Variants in PTPRF observed in about 807,000 individuals in gnomAD.
The protein encoded by PTPRF is protein tyrosine phosphatase receptor type F, also known as receptor-type tyrosine-protein phosphatase F.
PTPRF carries 59 observed loss-of-function variants against 201.8 expected under a neutral mutation model. The ratio of observed to expected loss-of-function variants is 0.29; its 90% CI spans 0.24 to 0.36. PTPRF has a LOEUF of 0.36. Ranked by LOEUF, PTPRF falls within the 10% of genes least tolerant of loss-of-function variation. The pLI, the probability that PTPRF is intolerant of heterozygous loss-of-function variation, is 1.00. For missense variants in PTPRF, 2,132 were observed against 2,690.5 expected (o/e 0.79, Z 4.59); for synonymous variants, 1,088 against 1,089.7 (o/e 1.00, Z 0.03).
chr1:43,529,999 G>A (rs1643307411), upstream of PTPRF, among the ~76,000 whole-genome samples: 1 of 152,074 alleles, frequency 6.6e-6, no homozygotes, highest in Non-Finnish European at 1.5e-5. Flanking sequence ...CTAGGTCAGA[G>A]AAGTGGAGGG....
upstream of PTPRF, among the ~76,000 whole-genome samples, chr1:43,523,041 G>A (rs886768500): frequency 6.6e-5 from 10 of 152,212 alleles, no homozygotes; most frequent in Non-Finnish European, 1.3e-4. Context: ...GACCAGTGAG[G>A]CATCAGCAGA....
chr1:43,592,736 C>A, intron 11 of PTPRF, 135 bp downstream of exon 11: 1 of 1,136,390 alleles, frequency 8.8e-7, no homozygotes, highest in Non-Finnish European at 1.2e-6. Flanking sequence ...CTGGCCTGGG[C>A]TCTGAGTCTG....
upstream of PTPRF, among the ~76,000 whole-genome samples, chr1:43,529,142 T>C (rs929317609): frequency 3.9e-5 from 6 of 152,170 alleles, no homozygotes; most frequent in Admixed American, 2.6e-4. Flanking sequence ...GCAAAAATGC[T>C]TAAAGATGCA....
At chr1:43,615,692 G>A (rs1317005422) in intron 23 of PTPRF, among the ~76,000 whole-genome samples, 2 of 148,676 alleles carry the variant, frequency 1.3e-5, no homozygotes, top group African/African-American at 4.9e-5. Flanking sequence ...TCAGCCTCCC[G>A]AGTAGCTGGG....
At chr1:43,615,523 C>G (rs1237926964) in intron 23 of PTPRF, among the ~76,000 whole-genome samples, 2 of 150,300 alleles carry the variant, frequency 1.3e-5, no homozygotes, top group African/African-American at 4.9e-5. Flanking sequence ...TGGGCTCTCC[C>G]TCAGCCAGGA....
chr1:43,605,260 C>T lies in PTPRF; in HGVS notation c.3206C>T (p.Pro1069Leu). Residue 1069 changes from proline (P) to leucine (L), a missense_variant, in exon 18 of 34, where the codon CCC becomes CTC. Physicochemically the swap from Pro to Leu is moderately conservative, Grantham distance 98. This residue lies in a region of PTPRF where 818 missense variants were observed against 915.3 expected (regional missense o/e 0.89). Transcript: ENST00000359947. ...SMRKLIADLQ[P>L]NTEYSFVLMN... is the part of the protein sequence containing the mutation. ...CGGAAGCTGATCGCAGACCTGCAGC[C>T]CAACACAGAGTACTCGTTTGTGCTG... 6.2e-7 allele frequency: 1 copy of T among 1,612,086 alleles called. No individual in the cohort carries two copies. Among genetic ancestry groups the T allele is most frequent in the Non-Finnish European group, 8.5e-7 (1 of 1,178,580 alleles).
rs1645239843 is a variant in PTPRF at position 43,554,762 on chromosome 1, C to A, written c.379+821C>A. On this transcript the variant is annotated intron_variant, in intron 5 of 33. Coordinates refer to ENST00000359947, the MANE Select transcript of PTPRF (RefSeq NM_002840.5). This position sits in a 1 kb window ranked among gnomAD's most constrained non-coding sequence, Gnocchi z 4.1. ...CAAGGCGGGGGTGACATGATCAGACCCCAGCCACAACTGATTCATCAGTCT... is the reference window on the plus strand; with the variant it reads ...CAAGGCGGGGGTGACATGATCAGACACCAGCCACAACTGATTCATCAGTCT... Among the ~76,000 whole-genome samples, 1 of 152,096 alleles carries A rather than the reference C, an allele frequency of 6.6e-6. No individual in the cohort carries two copies. Among genetic ancestry groups the A allele is most frequent in the Non-Finnish European group, 1.5e-5 (1 of 68,022 alleles).
chr1:43,616,678 C>G (rs1349656827), intron 23 of PTPRF, among the ~76,000 whole-genome samples: 1 of 151,984 alleles, frequency 6.6e-6, no homozygotes, highest in African/African-American at 2.4e-5. Flanking sequence ...AGCAGCAGCG[C>G]CAGGTTTGGA....
Position 43,620,552 on chromosome 1 carries a change from G to T in PTPRF, c.5337G>T (p.Leu1779=). ...AGTACAACATGCCCCAGTATATCCT[G>T]CGTGAGTTCAAGGTCACGGATGCCC... ...MAEYNMPQYI[L]REFKVTDARD... The change falls in exon 31 of 34, where the codon CTG becomes CTT. Residue 1779 remains leucine, a synonymous_variant. Coordinates refer to ENST00000359947, the MANE Select transcript of PTPRF (RefSeq NM_002840.5). 1 of 1,614,144 alleles carries T rather than the reference G, an allele frequency of 6.2e-7. No individual in the cohort carries two copies. Among genetic ancestry groups the T allele is most frequent in the Non-Finnish European group, 8.5e-7 (1 of 1,180,002 alleles).
chr1:43,606,256 A>T lies in PTPRF; in HGVS notation c.3500A>T (p.Glu1167Val), dbSNP rs1209891475. 1 of 1,613,442 alleles carries T rather than the reference A, an allele frequency of 6.2e-7. No homozygotes were observed. Residue 1167 changes from glutamate to valine, a missense_variant, in exon 20 of 34, where the codon GAG (glutamate) becomes GTG (valine). Physicochemically the swap from Glu to Val is moderately radical, Grantham distance 121. This residue lies in a region of PTPRF where 818 missense variants were observed against 915.3 expected (regional missense o/e 0.89). Transcript: ENST00000359947. ...LELDELLEAI[E>V]QGGEEQRRRR... ...CTCTGCCAGCTTCTAGAAGCCATCG[A>T]GCAAGGCGGAGAGGAGCAGCGGCGG...
Position 43,591,492 on chromosome 1 carries a change from C to A in PTPRF, c.1470C>A (p.Ala490=), listed in dbSNP as rs1172209882. Residue 490 remains alanine (A), a synonymous_variant, in exon 9 of 34, where the codon GCC becomes GCA. Coordinates refer to ENST00000359947, the MANE Select transcript of PTPRF (RefSeq NM_002840.5). ...PGITYSLRVL[A]FTAVGDGPPS... ...TCACCTACAGCCTGCGCGTGCTTGCCTTCACCGCCGTGGGCGATGGCCCTC... is the reference window on the plus strand; with the variant it reads ...TCACCTACAGCCTGCGCGTGCTTGCATTCACCGCCGTGGGCGATGGCCCTC... The A allele has an allele frequency of 6.2e-7, 1 of 1,600,538 alleles. No homozygotes were observed. The highest frequency in any genetic ancestry group is 1.1e-5 in the South Asian group (1 of 89,334).
chr1:43,558,707 G>A (rs534831924), intron 5 of PTPRF, among the ~76,000 whole-genome samples: 19 of 152,270 alleles, frequency 1.2e-4, no homozygotes, highest in Admixed American at 5.2e-4. Context: ...GCCCGCTGCC[G>A]CCACTGAGAC....
intron 11 of PTPRF, 131 bp downstream of exon 11, chr1:43,592,732 T>C (rs1651164358): frequency 1.7e-6 from 2 of 1,158,432 alleles, no homozygotes; most frequent in East Asian, 3.0e-5. Flanking sequence ...AACTCTGGCC[T>C]GGGCTCTGAG....
At position 43,617,848 on chromosome 1, in the gene PTPRF, G is replaced by C. The variant is rs641351; in HGVS notation, c.4308G>C (p.Arg1436Ser). The C allele has an allele frequency of 2.5e-6, 4 of 1,613,754 alleles. No homozygotes were observed. The South Asian group carries it at 4.4e-5, about 18-fold the overall frequency. Residue 1436 changes from arginine (R) to serine (S), a missense_variant, in exon 25 of 34, where the codon AGG (arginine) becomes AGC (serine). By Grantham distance (110) the Arg-to-Ser change is moderately radical. Around this residue, in one of 6 missense-constraint regions of PTPRF, gnomAD observed 22 missense variants for 48.1 expected, o/e 0.46. Transcript: ENST00000359947. ...CCGAGACCATGGGTGATTTCTGGAG[G>C]ATGGTGTGGGAACAGCGCACGGCCA... ...PLPETMGDFW[R>S]MVWEQRTATV... is the part of the protein sequence containing the mutation.
At chr1:43,620,679 G>A in intron 31 of PTPRF, 100 bp downstream of exon 31, 1 of 1,552,072 alleles carries the variant, frequency 6.4e-7, no homozygotes, top group Non-Finnish European at 8.8e-7. Context: ...GAAATCTGAG[G>A]CGGTGGGTGG....
At chr1:43,613,747 G>T (rs758697777) in intron 23 of PTPRF, 32 bp downstream of exon 23, 5 of 1,582,458 alleles carry the variant, frequency 3.2e-6, no homozygotes, top group Middle Eastern at 1.7e-4. Flanking sequence ...CCATGTGCCT[G>T]GCCCAGGCCT....
intron 2 of PTPRF, among the ~76,000 whole-genome samples, chr1:43,538,823 CTCTG>C (rs1400157813): frequency 6.6e-6 from 1 of 152,172 alleles, no homozygotes; most frequent in African/African-American, 2.4e-5. Flanking sequence ...TTGTTCTCCT[CTCTG>C]TCTGTTAGAA....
intron 6 of PTPRF, among the ~76,000 whole-genome samples, chr1:43,573,972 G>A (rs922734389): frequency 3.9e-5 from 5 of 129,598 alleles, no homozygotes; most frequent in Non-Finnish European, 8.1e-5. Context: ...TTGCTTGTGT[G>A]GGTTCTTTTT....
At chr1:43,545,407 G>C (rs1317076904) in intron 3 of PTPRF, among the ~76,000 whole-genome samples, 1 of 152,156 alleles carries the variant, frequency 6.6e-6, no homozygotes, top group Admixed American at 6.5e-5. Flanking sequence ...TGTCTTATGG[G>C]GCTGGGGTGA....
Sources: allele counts gnomAD v4.1 joint callset (sites outside exome capture counted in the v4.1 genomes callset), GRCh38; gene constraint gnomAD v4.1.1; regional missense constraint gnomAD v4.1.1; non-coding constraint Gnocchi (gnomAD v3.1); transcripts MANE v1.5; gene names NCBI Gene and HGNC (gene_info 2026-07-23, HGNC 2026-07-21).